Variants in DLGAP2 observed in about 807,000 individuals in gnomAD.
DLGAP2 encodes disks large-associated protein 2.
Under a neutral mutation model 100.3 loss-of-function variants are expected in DLGAP2, and 26 were observed. The ratio of observed to expected loss-of-function variants is 0.26; its 90% CI spans 0.19 to 0.36. The LOEUF (loss-of-function observed/expected upper bound fraction) is 0.36. Among genes scored for constraint, DLGAP2 ranks in the 10% least tolerant of loss-of-function variants. The probability of loss-of-function intolerance (pLI) is 1.00; values close to 1 mark genes in which losing one functional copy is unlikely to be tolerated. For missense variants in DLGAP2, 1,858 were observed against 1,453.2 expected (o/e 1.28, Z -4.53); for synonymous variants, 886 against 630.1 (o/e 1.41, Z -6.08).
chr8:1,374,125 G>C (rs1301298527), intron 3 of DLGAP2, among the ~76,000 whole-genome samples: 2 of 149,382 alleles, frequency 1.3e-5, no homozygotes, highest in African/African-American at 2.6e-5. Flanking sequence ...TGGAGGTTAG[G>C]TTAGGTTTAC....
chr8:1,233,173 A>G (rs1798572865), intron 2 of DLGAP2, among the ~76,000 whole-genome samples: 1 of 151,960 alleles, frequency 6.6e-6, no homozygotes, highest in African/African-American at 2.4e-5. Flanking sequence ...GATATACCCC[A>G]TTGTATTTAT....
intron 4 of DLGAP2, among the ~76,000 whole-genome samples, chr8:1,513,455 G>A (rs1326341613): frequency 6.6e-6 from 1 of 152,234 alleles, no homozygotes; most frequent in East Asian, 1.9e-4. Context: ...CTTTCCCTGG[G>A]AACAGCTGGT....
At chr8:1,479,549 C>T (rs542115611) in intron 3 of DLGAP2, among the ~76,000 whole-genome samples, 6 of 152,144 alleles carry the variant, frequency 3.9e-5, no homozygotes, top group Non-Finnish European at 7.3e-5. Context: ...GGACCTAATT[C>T]ATAAGCAGAG....
intron 6 of DLGAP2, among the ~76,000 whole-genome samples, chr8:1,625,872 T>C (rs1196842093): frequency 2.6e-5 from 4 of 152,286 alleles, no homozygotes; most frequent in Non-Finnish European, 4.4e-5. Context: ...TATTTGCATA[T>C]GGCAAAGTTA....
chr8:815,172 T>G (rs912335193), intron 1 of DLGAP2, among the ~76,000 whole-genome samples: 4 of 152,234 alleles, frequency 2.6e-5, no homozygotes, highest in African/African-American at 9.6e-5. Context: ...AGTTTATTTC[T>G]CACAGTTCTG....
At chr8:971,591 C>A (rs1800015837) in intron 2 of DLGAP2, among the ~76,000 whole-genome samples, 1 of 152,162 alleles carries the variant, frequency 6.6e-6, no homozygotes, top group African/African-American at 2.4e-5. Flanking sequence ...CTCTGGAGAG[C>A]CCATTCTACT....
intron 2 of DLGAP2, among the ~76,000 whole-genome samples, chr8:1,086,880 G>C (rs1429921330): frequency 6.6e-6 from 1 of 152,030 alleles, no homozygotes; most frequent in Non-Finnish European, 1.5e-5. Context: ...AGAAAACATT[G>C]GACTTGAACA....
chr8:1,079,167 T>G (rs144022453), intron 2 of DLGAP2, among the ~76,000 whole-genome samples: 2 of 152,312 alleles, frequency 1.3e-5, no homozygotes, highest in East Asian at 3.9e-4. Context: ...GGAGTGTCTT[T>G]TCAGATGTTT....
chr8:1,537,976 G>A (rs940175701), intron 4 of DLGAP2, among the ~76,000 whole-genome samples: 25 of 152,304 alleles, frequency 1.6e-4, no homozygotes, highest in African/African-American at 6.0e-4. Context: ...ATCAGAGGAA[G>A]ATACTGCGGG....
chr8:1,378,646 T>C (rs549282101), intron 3 of DLGAP2, among the ~76,000 whole-genome samples: 7 of 152,226 alleles, frequency 4.6e-5, no homozygotes, highest in Non-Finnish European at 1.0e-4. Context: ...GCCTCATCTG[T>C]CCGTCCTGCA....
At position 902,536 on chromosome 8, in the gene DLGAP2, G is replaced by A. The variant is rs546471007; in HGVS notation, c.19-5376G>A. 6.5e-5 allele frequency among the ~76,000 whole-genome samples: 9 copies of A among 138,082 alleles called. No homozygotes were observed. The East Asian group carries it at 1.5e-3, about 24-fold the overall frequency. 90.6% of individuals were successfully genotyped at this position (138,082 alleles called of 152,430 possible). A position where few individuals can be genotyped will look rare whatever the true frequency, so the allele number is the denominator to read the frequency against. ...AGGGTGACTGAGATACAGCCCCGGC[G>A]GCCTTGGGGAGCCGAGAATCACAAG... On this transcript the variant is annotated intron_variant, in intron 1 of 14. Transcript: ENST00000637795.
chr8:885,059 G>T (rs550652501), intron 1 of DLGAP2, among the ~76,000 whole-genome samples: 38 of 152,170 alleles, frequency 2.5e-4, no homozygotes, highest in Non-Finnish European at 4.6e-4. Flanking sequence ...TTGATGTCAG[G>T]TAGCATGATG....
chr8:1,163,839 A>G (rs1416991968), intron 2 of DLGAP2, among the ~76,000 whole-genome samples: 1 of 152,156 alleles, frequency 6.6e-6, no homozygotes, highest in Admixed American at 6.5e-5. Context: ...ACGGAGGCTC[A>G]GGAGCTCTGC....
chr8:1,199,943 C>CCA (rs1224058400), intron 2 of DLGAP2, among the ~76,000 whole-genome samples: 1 of 152,062 alleles, frequency 6.6e-6, no homozygotes, highest in Non-Finnish European at 1.5e-5. Flanking sequence ...GGATTCCCCC[C>CCA]CACAACCCCC....
intron 3 of DLGAP2, among the ~76,000 whole-genome samples, chr8:1,474,920 C>T (rs1422198877): frequency 6.6e-6 from 1 of 152,198 alleles, no homozygotes; most frequent in Non-Finnish European, 1.5e-5. Flanking sequence ...TTCCAAAGGG[C>T]ACATGCCCCC....
intron 2 of DLGAP2, among the ~76,000 whole-genome samples, chr8:1,229,403 TTGATAA>T (rs1213646930): frequency 2.0e-5 from 3 of 152,162 alleles, no homozygotes; most frequent in East Asian, 1.9e-4. Context: ...GTTTTGGAAC[TTGATAA>T]TGATCTGTTT....
chr8:1,444,387 C>T (rs865852763), intron 3 of DLGAP2, among the ~76,000 whole-genome samples: 1 of 152,220 alleles, frequency 6.6e-6, no homozygotes, highest in African/African-American at 2.4e-5. Flanking sequence ...TGAAAAGGGA[C>T]ATTGTGGCTT....
At chr8:1,164,790 C>A (rs555986033) in intron 2 of DLGAP2, among the ~76,000 whole-genome samples, 9 of 152,294 alleles carry the variant, frequency 5.9e-5, no homozygotes, top group Non-Finnish European at 1.2e-4. Flanking sequence ...AAGCTTCCGA[C>A]TGCTGCGTGT....
intron 3 of DLGAP2, among the ~76,000 whole-genome samples, chr8:1,303,275 T>C (rs1800404682): frequency 1.3e-5 from 2 of 152,100 alleles, no homozygotes; most frequent in African/African-American, 4.8e-5. Context: ...CGGGCGCCTG[T>C]AGTCCCAGCT....
Sources: allele counts gnomAD v4.1 joint callset (sites outside exome capture counted in the v4.1 genomes callset), GRCh38; gene constraint gnomAD v4.1.1; transcripts MANE v1.5; gene names NCBI Gene and HGNC (gene_info 2026-07-23, HGNC 2026-07-21).